Variants in CCDC125 observed in about 807,000 individuals in gnomAD.
CCDC125 encodes coiled-coil domain-containing protein 125.
Under a neutral mutation model 57.4 loss-of-function variants are expected in CCDC125, and 43 were observed. The ratio of observed to expected loss-of-function variants is 0.75; its 90% CI spans 0.59 to 0.97. The LOEUF (loss-of-function observed/expected upper bound fraction) is 0.97. CCDC125 is among the 50% of genes least tolerant of loss of function. The probability of loss-of-function intolerance (pLI) is 0.00; values close to 1 mark genes in which losing one functional copy is unlikely to be tolerated. For missense variants in CCDC125, 563 were observed against 595.7 expected (o/e 0.95, Z 0.57); for synonymous variants, 187 against 195.2 (o/e 0.96, Z 0.35).
intron 2 of CCDC125, 69 bp downstream of exon 2, chr5:69,320,168 T>G: frequency 7.7e-7 from 1 of 1,306,608 alleles, no homozygotes; most frequent in Non-Finnish European, 1.1e-6. Context: ...TTATTTTAGA[T>G]TTTGGAAGGG....
chr5:69,314,980 G>T (rs180693708), intron 2 of CCDC125, among the ~76,000 whole-genome samples: 1 of 152,236 alleles, frequency 6.6e-6, no homozygotes, highest in Non-Finnish European at 1.5e-5. Flanking sequence ...CTTTGGCCAG[G>T]CACAGTGGCT....
chr5:69,299,213 C>T (rs1755936316), intron 8 of CCDC125, among the ~76,000 whole-genome samples: 1 of 151,836 alleles, frequency 6.6e-6, no homozygotes, highest in African/African-American at 2.4e-5. Flanking sequence ...GGGTTCACGC[C>T]ATTCTCCTGC....
the CCDC125 span, among the ~76,000 whole-genome samples, chr5:69,275,078 A>C: frequency 6.6e-6 from 1 of 151,994 alleles, no homozygotes; most frequent in Non-Finnish European, 1.5e-5. Context: ...AAAAAAAAAA[A>C]AGACAAGCAT....
chr5:69,287,688 G>A (rs1189959193), intron 10 of CCDC125, among the ~76,000 whole-genome samples: 1 of 151,222 alleles, frequency 6.6e-6, no homozygotes, highest in Non-Finnish European at 1.5e-5. Context: ...TCCCACTTCA[G>A]CCTCCCTAGT....
downstream of CCDC125, among the ~76,000 whole-genome samples, chr5:69,279,437 C>A (rs1484520405): frequency 2.6e-5 from 4 of 152,130 alleles, no homozygotes; most frequent in Non-Finnish European, 4.4e-5. Context: ...ACCTCGTGAT[C>A]CGCCCACCTT....
At chr5:69,302,892 G>GA (rs1756721630) in intron 7 of CCDC125, among the ~76,000 whole-genome samples, 1 of 152,086 alleles carries the variant, frequency 6.6e-6, no homozygotes, top group Admixed American at 6.6e-5. Context: ...TGCTTTAAGT[G>GA]AAAACTAAAT....
chr5:69,279,652 C>T (rs1435143012), downstream of CCDC125, among the ~76,000 whole-genome samples: 3 of 152,096 alleles, frequency 2.0e-5, no homozygotes, highest in East Asian at 1.9e-4. Context: ...CAAACCCACT[C>T]GTGCTTCAAA....
intron 11 of CCDC125, among the ~76,000 whole-genome samples, chr5:69,284,112 A>T (rs1418804905): frequency 1.2e-4 from 18 of 150,890 alleles, no homozygotes; most frequent in East Asian, 9.7e-4. Context: ...TTTAAAAATA[A>T]TTTTTTAAAA....
intron 10 of CCDC125, among the ~76,000 whole-genome samples, chr5:69,289,312 T>A (rs1055667901): frequency 2.0e-5 from 3 of 152,240 alleles, no homozygotes; most frequent in Non-Finnish European, 4.4e-5. Context: ...ACAATCCAAC[T>A]GCTATTAAGG....
chr5:69,313,876 T>C, intron 3 of CCDC125, 109 bp downstream of exon 3: 1 of 911,118 alleles, frequency 1.1e-6, no homozygotes, highest in Non-Finnish European at 1.8e-6. Context: ...AGGCCATGTT[T>C]CCAGAAGCAA....
In CCDC125 at chr5:69,332,759, G is replaced by C. The variant is rs773654478; in HGVS notation, c.-151C>G. 2 of 152,624 alleles carry C rather than the reference G, an allele frequency of 1.3e-5. No individual in the cohort carries two copies. The highest frequency in any genetic ancestry group is 2.4e-5 in the African/African-American group (1 of 41,462). The allele number at this position is 152,624 out of a possible 1,614,324, so 9.5% of individuals were successfully genotyped here. A position where few individuals can be genotyped will look rare whatever the true frequency, so the allele number is the denominator to read the frequency against. On this transcript the variant is annotated 5_prime_UTR_variant, in exon 1 of 12. Coordinates refer to ENST00000396496, the MANE Select transcript of CCDC125 (RefSeq NM_176816.5). ...ACCGCCCCGGCGCCCCACTCAGCTC[G>C]CTCACCTGGCAAGTAGCCTCCTCTC...
At chr5:69,328,194 A>C (rs1025450050) in intron 1 of CCDC125, among the ~76,000 whole-genome samples, 2 of 152,094 alleles carry the variant, frequency 1.3e-5, no homozygotes, top group African/African-American at 4.8e-5. Flanking sequence ...CCAAGCCTGG[A>C]CTTTTTTTGT....
At chr5:69,297,096 C>T (rs72767881) in intron 8 of CCDC125, among the ~76,000 whole-genome samples, 60,752 of 152,034 alleles carry the variant, frequency 0.4, 13,070 homozygotes, top group South Asian at 0.46. Context: ...GACGGAGTCT[C>T]GCTCTGTCAC....
chr5:69,290,241 T>C (rs773826113), intron 10 of CCDC125, among the ~76,000 whole-genome samples: 1 of 151,874 alleles, frequency 6.6e-6, no homozygotes, highest in Non-Finnish European at 1.5e-5. Context: ...TGAAAATAAA[T>C]ATTTCAAACA....
chr5:69,295,939 A>G (rs928436405), intron 8 of CCDC125, among the ~76,000 whole-genome samples: 4 of 148,684 alleles, frequency 2.7e-5, no homozygotes, highest in African/African-American at 5.0e-5. Context: ...GCTGGAGTGC[A>G]GTGGCGCGAT....
At chr5:69,291,416 G>A (rs983257653) in intron 10 of CCDC125, among the ~76,000 whole-genome samples, 22 of 151,096 alleles carry the variant, frequency 1.5e-4, no homozygotes, top group Non-Finnish European at 2.7e-4. Context: ...GTGCAGTGGC[G>A]CGATCTCAGC....
chr5:69,313,455 G>GAA, intron 3 of CCDC125: 1 of 1,289,662 alleles, frequency 7.8e-7, no homozygotes, highest in Non-Finnish European at 1.1e-6. Context: ...CCTCCTCATA[G>GAA]TAGTTTGCTT....
chr5:69,320,629 A>AC, intron 1 of CCDC125, 49 bp from the exon 2 acceptor site: 1 of 790,180 alleles, frequency 1.3e-6, no homozygotes, highest in South Asian at 1.7e-5. Context: ...AGATCCAGCA[A>AC]CCCCACCTCT....
intron 1 of CCDC125, among the ~76,000 whole-genome samples, chr5:69,328,115 C>T (rs1760952546): frequency 6.6e-6 from 1 of 152,182 alleles, no homozygotes; most frequent in African/African-American, 2.4e-5. Context: ...AGGTTAGTCT[C>T]AAACTCCTGA....
Sources: allele counts gnomAD v4.1 joint callset (sites outside exome capture counted in the v4.1 genomes callset), GRCh38; gene constraint gnomAD v4.1.1; transcripts MANE v1.5; gene names NCBI Gene and HGNC (gene_info 2026-07-23, HGNC 2026-07-21).